Variants in PRDM5 observed in about 807,000 individuals in gnomAD.
PRDM5 encodes the protein PR/SET domain 5, also known as PR domain zinc finger protein 5.
Under a neutral mutation model 81.2 loss-of-function variants are expected in PRDM5, and 56 were observed. The ratio of observed to expected loss-of-function variants is 0.69; its 90% CI spans 0.56 to 0.86. PRDM5 has a LOEUF of 0.86. Ranked by LOEUF, PRDM5 falls within the 40% of genes least tolerant of loss-of-function variation. PRDM5 has a pLI of 0.00. For missense variants in PRDM5, 697 were observed against 770.1 expected, an observed-to-expected ratio of 0.91 and a Z score of 1.12; for synonymous variants, 267 against 256.4, an observed-to-expected ratio of 1.04 and a Z score of -0.39.
rs168226 is a variant in PRDM5 at position 120,821,615 on chromosome 4, G to A, written c.301-270C>T. 0.056 allele frequency among the ~76,000 whole-genome samples: 8,437 copies of A among 151,964 alleles called. 360 individuals carry two copies. The highest frequency in any genetic ancestry group is 0.15 in the Middle Eastern group (44 of 294). The stretch of plus-strand genomic sequence containing the variant: ...AAAGTGAATTTTGCATCACTAACTG[G>A]CCTTATGCAAGCAACACTTTGTGGT... On this transcript the variant is annotated intron_variant, in intron 3 of 15. Transcript: ENST00000264808.
rs142499750 is a variant in PRDM5, at chr4:120,726,311, T to C, written c.1624-15898A>G. On this transcript the variant is annotated intron_variant, in intron 14 of 15. Transcript: ENST00000264808. ...ACAAGGCTGAATTGAGGTAATTTCC[T>C]TGTTTTAATTATATCCAAAGACATA... Among the ~76,000 whole-genome samples the C allele has an allele frequency of 8.6e-4, 131 of 152,344 alleles. 1 individual carries two copies. Among genetic ancestry groups the C allele is most frequent in the African/African-American group, 3.1e-3 (127 of 41,592 alleles).
At chr4:120,697,381 T>C (rs1261479963) in intron 15 of PRDM5, among the ~76,000 whole-genome samples, 1 of 152,200 alleles carries the variant, frequency 6.6e-6, no homozygotes, top group Non-Finnish European at 1.5e-5. Flanking sequence ...AAGATTTATA[T>C]ACATGATGCT....
At chr4:120,909,411 TC>T (rs2148686940) in intron 1 of PRDM5, among the ~76,000 whole-genome samples, 1 of 152,312 alleles carries the variant, frequency 6.6e-6, no homozygotes, top group South Asian at 2.1e-4. Context: ...TTAAAGCCAA[TC>T]TAGAAAACAG....
intron 2 of PRDM5, among the ~76,000 whole-genome samples, chr4:120,890,838 ATTTG>A (rs1176333551): frequency 2.0e-5 from 3 of 152,100 alleles, no homozygotes; most frequent in Non-Finnish European, 2.9e-5. Context: ...TTGCTTGTTA[ATTTG>A]TTTAAGTACC....
chr4:120,749,989 A>G (rs1433480465), intron 14 of PRDM5, among the ~76,000 whole-genome samples: 1 of 152,220 alleles, frequency 6.6e-6, no homozygotes, highest in Non-Finnish European at 1.5e-5. Context: ...GCTGTCCAAC[A>G]GAGCTTTCTG....
At chr4:120,760,048 A>G (rs1186077120) in intron 13 of PRDM5, among the ~76,000 whole-genome samples, 4 of 152,234 alleles carry the variant, frequency 2.6e-5, no homozygotes, top group Admixed American at 6.5e-5. Flanking sequence ...CAGAAAGGAT[A>G]AGTAATTTTC....
intron 8 of PRDM5, among the ~76,000 whole-genome samples, chr4:120,805,867 G>GA (rs1752837361): frequency 6.6e-6 from 1 of 151,902 alleles, no homozygotes; most frequent in African/African-American, 2.4e-5. Flanking sequence ...TCAGGCAGGA[G>GA]AAAAAAATAA....
intron 3 of PRDM5, among the ~76,000 whole-genome samples, chr4:120,824,634 T>C (rs889328658): frequency 1.3e-5 from 2 of 152,208 alleles, no homozygotes; most frequent in Non-Finnish European, 2.9e-5. Context: ...TGTCTTTTTT[T>C]AGTCTCATTT....
intron 3 of PRDM5, among the ~76,000 whole-genome samples, chr4:120,834,639 G>A (rs922954688): frequency 2.0e-5 from 3 of 152,150 alleles, no homozygotes; most frequent in African/African-American, 7.2e-5. Flanking sequence ...ATATTATTCT[G>A]TGTGTTTCTG....
intron 2 of PRDM5, among the ~76,000 whole-genome samples, chr4:120,906,398 A>T (rs1303283129): frequency 1.3e-5 from 2 of 152,242 alleles, no homozygotes; most frequent in African/African-American, 4.8e-5. Flanking sequence ...TTAGGAGTAC[A>T]GTAGGCTATA....
intron 13 of PRDM5, among the ~76,000 whole-genome samples, chr4:120,758,820 A>T (rs954912825): frequency 1.3e-5 from 2 of 150,450 alleles, no homozygotes; most frequent in African/African-American, 4.9e-5. Flanking sequence ...CAGTGGCGCG[A>T]TCTCGACTCA....
At position 120,813,515 on chromosome 4, in the gene PRDM5, A is replaced by C. The variant is rs143852395; in HGVS notation, c.866-2066T>G. On this transcript the variant is annotated intron_variant, in intron 7 of 15. Coordinates refer to ENST00000264808, the MANE Select transcript of PRDM5 (RefSeq NM_018699.4). ...CATTTATGAAAGAAATATACTTTCA[A>C]ATGGCAAATATGAATTTTTGTCTTA... Among the ~76,000 whole-genome samples the C allele has an allele frequency of 2.8e-3, 433 of 152,358 alleles. 3 individuals carry two copies. Among genetic ancestry groups the C allele is most frequent in the African/African-American group, 1.0e-2 (414 of 41,572 alleles).
intron 15 of PRDM5, among the ~76,000 whole-genome samples, chr4:120,703,500 G>A (rs1010449364): frequency 6.6e-6 from 1 of 151,994 alleles, no homozygotes; most frequent in African/African-American, 2.4e-5. Flanking sequence ...TCATGTATTT[G>A]TTTAATGCTA....
intron 1 of PRDM5, among the ~76,000 whole-genome samples, chr4:120,909,527 T>C (rs1027445469): frequency 2.2e-4 from 34 of 152,298 alleles, no homozygotes; most frequent in South Asian, 2.1e-3. Context: ...CTTTATCAAC[T>C]ATTACAGAAA....
At position 120,860,607 on chromosome 4, in the gene PRDM5, C is replaced by T. The variant is rs566080303; in HGVS notation, c.178-7067G>A. ...GAATACAACAGTGACCACTTTCTCC[C>T]TTCTTGGAAAAAAAAAAAAGAATAA... On this transcript the variant is annotated intron_variant, in intron 2 of 15. Transcript: ENST00000264808. Among the ~76,000 whole-genome samples, 9 of 151,550 alleles carry T rather than the reference C, an allele frequency of 5.9e-5. No individual in the cohort carries two copies. In the East Asian group the frequency reaches 1.4e-3, roughly 23 times the overall value.
intron 14 of PRDM5, among the ~76,000 whole-genome samples, chr4:120,746,859 T>C (rs1281798090): frequency 6.7e-6 from 1 of 148,630 alleles, no homozygotes; most frequent in Non-Finnish European, 1.5e-5. Flanking sequence ...CTTCAACCAT[T>C]GTGGAAGTCA....
At position 120,784,987 on chromosome 4, in the gene PRDM5, T is replaced by C. The variant is rs761492727; in HGVS notation, c.1282+11A>G. ...TTCCTTATATTCTCAACTGCCTGAA[T>C]CGTGACTTACTGTTATGTATTAGCA... On this transcript the variant is annotated intron_variant, in intron 11 of 15. Coordinates refer to ENST00000264808, the MANE Select transcript of PRDM5 (RefSeq NM_018699.4). 6.4e-7 allele frequency: 1 copy of C among 1,569,936 alleles called. No individual in the cohort carries two copies. Among genetic ancestry groups the C allele is most frequent in the South Asian group, 1.1e-5 (1 of 90,264 alleles).
At chr4:120,732,425 C>G (rs1320473195) in intron 14 of PRDM5, among the ~76,000 whole-genome samples, 3 of 141,546 alleles carry the variant, frequency 2.1e-5, no homozygotes, top group African/African-American at 8.2e-5. Context: ...GATCCACTTA[C>G]AAGATCTCCA....
chr4:120,892,814 G>A (rs1764201575), intron 2 of PRDM5, among the ~76,000 whole-genome samples: 1 of 152,180 alleles, frequency 6.6e-6, no homozygotes, highest in African/African-American at 2.4e-5. Flanking sequence ...GCTCTATCAC[G>A]TATTGCCTGA....
Sources: gnomAD v4.1 joint callset for allele counts (sites outside exome capture counted in the v4.1 genomes callset) on GRCh38, gnomAD v4.1.1 for gene constraint, MANE v1.5 for transcripts, NCBI Gene and HGNC (gene_info 2026-07-23, HGNC 2026-07-21) for gene names.